The following CAMKMT variants were observed in gnomAD, a reference collection of about 807,000 sequenced individuals.
The protein encoded by CAMKMT is CaM KMT.
Under a neutral mutation model 48.0 loss-of-function variants are expected in CAMKMT, and 53 were observed. The observed-to-expected ratio is 1.10, with a 90% CI of 0.89 to 1.39. CAMKMT has a LOEUF of 1.39. Among genes scored for constraint, CAMKMT ranks in the 40% most tolerant of loss-of-function variants. The probability of loss-of-function intolerance (pLI) is 0.00; values close to 1 mark genes in which losing one functional copy is unlikely to be tolerated. For synonymous variants in CAMKMT, 165 were observed against 152.3 expected, an observed-to-expected ratio of 1.08 and a Z score of -0.61; for missense variants, 428 against 402.7, an observed-to-expected ratio of 1.06 and a Z score of -0.54.
chr2:44,484,238 T>C (rs1254000562), intron 3 of CAMKMT, among the ~76,000 whole-genome samples: 1 of 151,884 alleles, frequency 6.6e-6, no homozygotes, highest in Non-Finnish European at 1.5e-5. Flanking sequence ...TTTTAACGTT[T>C]ATATGAAAAT....
At chr2:44,761,402 G>T (rs1234175335) in intron 9 of CAMKMT, among the ~76,000 whole-genome samples, 2 of 152,202 alleles carry the variant, frequency 1.3e-5, no homozygotes, top group East Asian at 1.9e-4. Context: ...GTCACGTGGG[G>T]CTTTGCCTGC....
At chr2:44,767,583 A>C (rs1253290411) in intron 10 of CAMKMT, among the ~76,000 whole-genome samples, 1 of 152,144 alleles carries the variant, frequency 6.6e-6, no homozygotes, top group African/African-American at 2.4e-5. Flanking sequence ...CCTCTGGGGG[A>C]AAAATGGTGC....
intron 3 of CAMKMT, among the ~76,000 whole-genome samples, chr2:44,614,062 A>G (rs1558744847): frequency 6.6e-6 from 1 of 152,182 alleles, no homozygotes; most frequent in Non-Finnish European, 1.5e-5. Context: ...TTTCCAGAAA[A>G]CCTATAATGC....
chr2:44,524,504 T>G (rs573011669), intron 3 of CAMKMT, among the ~76,000 whole-genome samples: 1 of 152,204 alleles, frequency 6.6e-6, no homozygotes, highest in Admixed American at 6.5e-5. Context: ...TTTCTTCTTT[T>G]TTCCTTCTCC....
intron 7 of CAMKMT, among the ~76,000 whole-genome samples, chr2:44,720,325 G>C (rs1678400786): frequency 6.6e-6 from 1 of 152,022 alleles, no homozygotes; most frequent in Non-Finnish European, 1.5e-5. Flanking sequence ...TTTTTACCAA[G>C]GTCAAAATCT....
intron 3 of CAMKMT, among the ~76,000 whole-genome samples, chr2:44,392,378 T>G (rs376268165): frequency 6.6e-6 from 1 of 152,118 alleles, no homozygotes; most frequent in African/African-American, 2.4e-5. Context: ...CATTTAATGA[T>G]AAATTGGTAA....
chr2:44,689,264 T>TTTTA (rs148599125), intron 3 of CAMKMT, among the ~76,000 whole-genome samples: 70,166 of 135,892 alleles, frequency 0.52, 18,446 homozygotes, highest in Middle Eastern at 0.67. Flanking sequence ...CAGCACTATT[T>TTTTA]TTTATTTATT....
At chr2:44,551,793 ACTTCAT>A (rs146558540) in intron 3 of CAMKMT, among the ~76,000 whole-genome samples, 2,204 of 152,278 alleles carry the variant, frequency 0.014, 19 homozygotes, top group South Asian at 0.034. Context: ...ATGTCACTTC[ACTTCAT>A]CTTCATAATA....
chr2:44,512,130 C>G (rs1356195955), intron 3 of CAMKMT, among the ~76,000 whole-genome samples: 1 of 152,180 alleles, frequency 6.6e-6, no homozygotes, highest in Non-Finnish European at 1.5e-5. Flanking sequence ...TACCAAGGAA[C>G]TCAGACTCCA....
intron 3 of CAMKMT, among the ~76,000 whole-genome samples, chr2:44,439,921 A>G (rs1032366438): frequency 2.6e-5 from 4 of 152,156 alleles, no homozygotes; most frequent in Non-Finnish European, 4.4e-5. Context: ...GGAGCCAACA[A>G]CAGAGTTACT....
intron 3 of CAMKMT, among the ~76,000 whole-genome samples, chr2:44,491,055 G>A (rs1669474659): frequency 6.6e-6 from 1 of 151,694 alleles, no homozygotes; most frequent in African/African-American, 2.4e-5. Context: ...GGAGGCGGAG[G>A]TGGGAGGATG....
At chr2:44,381,330 C>T (rs920894042) in intron 2 of CAMKMT, among the ~76,000 whole-genome samples, 5 of 151,980 alleles carry the variant, frequency 3.3e-5, no homozygotes, top group African/African-American at 1.2e-4. Flanking sequence ...AAAATATGTG[C>T]ATGTTATTTC....
intron 7 of CAMKMT, among the ~76,000 whole-genome samples, chr2:44,721,453 G>C (rs1347897881): frequency 6.6e-6 from 1 of 152,074 alleles, no homozygotes; most frequent in Non-Finnish European, 1.5e-5. Flanking sequence ...TGCATTTCTA[G>C]TAGTTACTTA....
chr2:44,390,525 G>A (rs1447030828), intron 3 of CAMKMT, among the ~76,000 whole-genome samples: 2 of 151,404 alleles, frequency 1.3e-5, no homozygotes, highest in African/African-American at 2.4e-5. Flanking sequence ...AGGTGTGTGT[G>A]TGTGGGGGGG....
At chr2:44,760,497 G>C (rs990621946) in intron 9 of CAMKMT, among the ~76,000 whole-genome samples, 1 of 151,508 alleles carries the variant, frequency 6.6e-6, no homozygotes, top group Non-Finnish European at 1.5e-5. Context: ...TGTAGTCTCA[G>C]CTACTCAGGA....
chr2:44,758,076 G>T (rs1680458040), intron 9 of CAMKMT, among the ~76,000 whole-genome samples: 1 of 152,218 alleles, frequency 6.6e-6, no homozygotes, highest in Admixed American at 6.5e-5. Context: ...CTTTACTATA[G>T]ACGGTCCCCA....
intron 3 of CAMKMT, among the ~76,000 whole-genome samples, chr2:44,613,073 A>G (rs1429532743): frequency 6.6e-6 from 1 of 152,214 alleles, no homozygotes; most frequent in Non-Finnish European, 1.5e-5. Flanking sequence ...TTAAATTTAC[A>G]TGAGATTTCA....
intron 8 of CAMKMT, among the ~76,000 whole-genome samples, chr2:44,744,217 A>C (rs1247049804): frequency 6.6e-6 from 1 of 152,214 alleles, no homozygotes; most frequent in Non-Finnish European, 1.5e-5. Flanking sequence ...TTTTCAGTGT[A>C]TTCAATTATA....
chr2:44,510,748 C>T (rs960000103), intron 3 of CAMKMT, among the ~76,000 whole-genome samples: 13 of 152,018 alleles, frequency 8.6e-5, no homozygotes, highest in African/African-American at 3.1e-4. Flanking sequence ...TTTAGTGCAC[C>T]CATCACCTGA....
Sources: gnomAD v4.1 joint callset for allele counts (sites outside exome capture counted in the v4.1 genomes callset) on GRCh38, gnomAD v4.1.1 for gene constraint, MANE v1.5 for transcripts, NCBI Gene and HGNC (gene_info 2026-07-23, HGNC 2026-07-21) for gene names.